Variants in CUX1 observed in about 807,000 individuals in gnomAD.
CUX1 encodes protein CASP.
Under a neutral mutation model 158.8 loss-of-function variants are expected in CUX1, and 31 were observed. That is an observed-to-expected ratio of 0.20 (90% CI 0.15 to 0.26). The LOEUF (loss-of-function observed/expected upper bound fraction) is 0.26. Among genes scored for constraint, CUX1 ranks in the 10% least tolerant of loss-of-function variants. CUX1 has a pLI of 1.00. For missense variants in CUX1, 1,589 were observed against 2,014.6 expected, an observed-to-expected ratio of 0.79 and a Z score of 4.04; for synonymous variants, 879 against 862.1, an observed-to-expected ratio of 1.02 and a Z score of -0.34.
At chr7:101,879,263 A>G (rs1005794553) in intron 1 of CUX1, among the ~76,000 whole-genome samples, 17 of 151,328 alleles carry the variant, frequency 1.1e-4, no homozygotes, top group Admixed American at 6.6e-5. Context: ...GCTTTGGGGG[A>G]CCTTAACCCT....
At chr7:102,268,697 G>A (rs1189261594) in intron 14 of CUX1, among the ~76,000 whole-genome samples, 9 of 152,120 alleles carry the variant, frequency 5.9e-5, no homozygotes, top group Non-Finnish European at 8.8e-5. Flanking sequence ...GAAGCGTGGC[G>A]CTGGTGTCGG....
chr7:102,107,593 G>A (rs1230637513), intron 6 of CUX1, among the ~76,000 whole-genome samples: 2 of 152,146 alleles, frequency 1.3e-5, no homozygotes, highest in South Asian at 4.1e-4. Flanking sequence ...CGCCCACCCG[G>A]GGCCCTCCCT....
At chr7:101,988,010 G>A (rs1278049398) in intron 2 of CUX1, among the ~76,000 whole-genome samples, 1 of 152,072 alleles carries the variant, frequency 6.6e-6, no homozygotes, top group African/African-American at 2.4e-5. Context: ...TCAGGAGTTC[G>A]AGACCAGCCT....
chr7:101,929,015 A>C (rs1368950054), intron 2 of CUX1, among the ~76,000 whole-genome samples: 3 of 151,884 alleles, frequency 2.0e-5, no homozygotes, highest in Non-Finnish European at 4.4e-5. Context: ...GCAGTGGCTC[A>C]CACCTAGAAT....
At chr7:102,046,289 G>A (rs140986062) in intron 3 of CUX1, among the ~76,000 whole-genome samples, 1 of 152,236 alleles carries the variant, frequency 6.6e-6, no homozygotes, top group East Asian at 1.9e-4. Flanking sequence ...CTGGAGTGTA[G>A]GGATGCGATT....
chr7:102,071,295 A>C (rs1467181180), intron 4 of CUX1, among the ~76,000 whole-genome samples: 1 of 152,170 alleles, frequency 6.6e-6, no homozygotes, highest in Non-Finnish European at 1.5e-5. Flanking sequence ...AAGAATTAAA[A>C]TTTAAATATG....
At position 102,248,992 on chromosome 7, in the gene CUX1, C is replaced by T; in HGVS notation, c.4468C>T (p.Arg1490Cys). 1.4e-6 allele frequency: 2 copies of T among 1,418,850 alleles called. No individual in the cohort carries two copies. Among genetic ancestry groups the T allele is most frequent in the Non-Finnish European group, 1.9e-6 (2 of 1,075,206 alleles). The allele number at this position is 1,418,850 out of a possible 1,614,324, so 87.9% of individuals were successfully genotyped here. The change falls in exon 24 of 24, where the codon CGC becomes TGC. Residue 1490 changes from arginine to cysteine, a missense_variant. By Grantham distance (180) the Arg-to-Cys change is radical. Transcript: ENST00000292535. The surrounding 1 kb of genome is among the most constrained non-coding windows in gnomAD (Gnocchi z 5.8). Reference protein sequence around the residue: ...KAANLNSIIHRLEKAASREEP... With the variant: ...KAANLNSIIHCLEKAASREEP... ...CGCGAACTTGAACAGCATCATCCAC[C>T]GCCTGGAGAAGGCCGCCAGCCGGGA... is the stretch of plus-strand genomic sequence containing the variant.
intron 1 of CUX1, among the ~76,000 whole-genome samples, chr7:101,822,918 A>T (rs1792834804): frequency 6.6e-6 from 1 of 151,866 alleles, no homozygotes; most frequent in Admixed American, 6.6e-5. Context: ...AAAAAAAAAA[A>T]AAAAGACATC....
At chr7:101,994,062 G>A (rs1243604869) in intron 2 of CUX1, among the ~76,000 whole-genome samples, 2 of 152,160 alleles carry the variant, frequency 1.3e-5, no homozygotes, top group Non-Finnish European at 2.9e-5. Context: ...TGGCCACAGT[G>A]CCCAGTGGGC....
intron 8 of CUX1, among the ~76,000 whole-genome samples, chr7:102,124,803 CAG>C (rs1461963171): frequency 3.4e-5 from 5 of 148,352 alleles, no homozygotes; most frequent in African/African-American, 1.2e-4. Flanking sequence ...TTTTTTGAGA[CAG>C]AGTCTCCCCT....
At chr7:102,193,494 T>C (rs181146772) in intron 12 of CUX1, among the ~76,000 whole-genome samples, 143 of 152,344 alleles carry the variant, frequency 9.4e-4, no homozygotes, top group Admixed American at 4.5e-3. Flanking sequence ...CTTATTAATG[T>C]GGCTGTTGTC....
intron 2 of CUX1, among the ~76,000 whole-genome samples, chr7:102,020,495 C>G (rs555933722): frequency 6.6e-6 from 1 of 152,356 alleles, no homozygotes; most frequent in South Asian, 2.1e-4. Flanking sequence ...TAACAGCTAT[C>G]TAACGTGACA....
intron 8 of CUX1, among the ~76,000 whole-genome samples, chr7:102,144,576 T>G (rs1326152652): frequency 6.8e-6 from 1 of 146,994 alleles, no homozygotes; most frequent in African/African-American, 2.5e-5. Flanking sequence ...GAGGCTGAGG[T>G]GGGAGGATTG....
chr7:101,992,145 G>A (rs1050519620), intron 2 of CUX1, among the ~76,000 whole-genome samples: 2 of 152,200 alleles, frequency 1.3e-5, no homozygotes, highest in Non-Finnish European at 2.9e-5. Context: ...CAGAAAGTCA[G>A]GGTAGAAAGA....
intron 2 of CUX1, among the ~76,000 whole-genome samples, chr7:101,947,219 C>A (rs527932659): frequency 1.3e-5 from 2 of 152,076 alleles, no homozygotes; most frequent in South Asian, 4.2e-4. Flanking sequence ...GTGAGTGAGA[C>A]CCTGTCTTGA....
At chr7:102,202,319 C>T (rs1554520069) in intron 18 of CUX1, 115 bp downstream of exon 18, 6 of 1,365,898 alleles carry the variant, frequency 4.4e-6, no homozygotes, top group East Asian at 2.3e-5. Context: ...AAGAGCAGAG[C>T]GTAAGGCATC....
intron 5 of CUX1, among the ~76,000 whole-genome samples, chr7:102,102,580 G>C (rs1252984420): frequency 6.6e-6 from 1 of 152,168 alleles, no homozygotes; most frequent in Non-Finnish European, 1.5e-5. Context: ...AGGTGCCCTT[G>C]CTGCACCAGA....
At chr7:102,077,898 AG>A (rs1270129928) in intron 4 of CUX1, among the ~76,000 whole-genome samples, 1 of 148,944 alleles carries the variant, frequency 6.7e-6, no homozygotes, top group Admixed American at 6.7e-5. Flanking sequence ...TTTTACAATG[AG>A]TATGTATTTA....
chr7:101,935,796 CTCTG>C (rs1305507112), intron 2 of CUX1, among the ~76,000 whole-genome samples: 2 of 152,162 alleles, frequency 1.3e-5, no homozygotes, highest in Non-Finnish European at 2.9e-5. Context: ...TTGGACTTCA[CTCTG>C]TCTGAGGCTT....
Sources: allele counts gnomAD v4.1 joint callset (sites outside exome capture counted in the v4.1 genomes callset), GRCh38; gene constraint gnomAD v4.1.1; non-coding constraint Gnocchi (gnomAD v3.1); transcripts MANE v1.5; gene names NCBI Gene and HGNC (gene_info 2026-07-23, HGNC 2026-07-21).